The following MGMT variants were observed in gnomAD, a reference collection of about 807,000 sequenced individuals.
The protein encoded by MGMT is methylated-DNA--protein-cysteine methyltransferase.
In MGMT, 14 loss-of-function variants were observed where a neutral mutation model predicts 15.9. The ratio of observed to expected loss-of-function variants is 0.88; its 90% CI spans 0.58 to 1.37. MGMT has a LOEUF of 1.37. Ranked by LOEUF, MGMT falls within the 40% of genes most tolerant of loss-of-function variation. MGMT has a pLI of 0.00. For missense variants in MGMT, 282 were observed against 268.1 expected, an observed-to-expected ratio of 1.05 and a Z score of -0.36; for synonymous variants, 130 against 118.2, an observed-to-expected ratio of 1.10 and a Z score of -0.65.
chr10:129,515,046 G>A lies in MGMT; in HGVS notation c.-12-21195G>A, dbSNP rs1434651140. 2.6e-5 allele frequency among the ~76,000 whole-genome samples: 4 copies of A among 152,346 alleles called. No homozygotes were observed. In the East Asian group the frequency reaches 7.7e-4, roughly 29 times the overall value. ...TACCCAGCAGACAGATGGGACCTGA[G>A]AGAAAGGGTTGGGGTCTGCCCCTTC... On this transcript the variant is annotated intron_variant, in intron 1 of 4. Coordinates refer to ENST00000651593, the MANE Select transcript of MGMT (RefSeq NM_002412.5).
chr10:129,567,773 C>A (rs1846373456), intron 2 of MGMT, among the ~76,000 whole-genome samples: 1 of 152,152 alleles, frequency 6.6e-6, no homozygotes, highest in Admixed American at 6.5e-5. Context: ...ACAAAATGTT[C>A]TTGGTCAAAA....
intron 2 of MGMT, among the ~76,000 whole-genome samples, chr10:129,596,477 C>T (rs1009152088): frequency 7.9e-5 from 12 of 152,242 alleles, no homozygotes; most frequent in African/African-American, 2.9e-4. Context: ...CGGGATGTAT[C>T]ACCAAGATGA....
intron 2 of MGMT, among the ~76,000 whole-genome samples, chr10:129,619,322 T>C (rs563859): frequency 0.48 from 73,424 of 152,028 alleles, 18,222 homozygotes; most frequent in East Asian, 0.62. Flanking sequence ...CTTTGAGAAA[T>C]GCATGCATAC....
At chr10:129,765,787 C>T (rs78040867) in intron 4 of MGMT, among the ~76,000 whole-genome samples, 2,323 of 152,236 alleles carry the variant, frequency 0.015, 48 homozygotes, top group African/African-American at 0.052. Flanking sequence ...CCTCCCTTGT[C>T]GGTGGTCAGT....
intron 1 of MGMT, among the ~76,000 whole-genome samples, chr10:129,515,225 G>A (rs1304987275): frequency 2.0e-5 from 3 of 152,234 alleles, no homozygotes; most frequent in Non-Finnish European, 2.9e-5. Flanking sequence ...GTGCAGGACA[G>A]GCGGGACCCA....
chr10:129,569,931 C>T (rs1380704403), intron 2 of MGMT, among the ~76,000 whole-genome samples: 2 of 152,226 alleles, frequency 1.3e-5, no homozygotes, highest in Admixed American at 1.3e-4. Flanking sequence ...TTGATTTTAT[C>T]AGGAGAATTT....
intron 2 of MGMT, among the ~76,000 whole-genome samples, chr10:129,560,450 A>G (rs1564852245): frequency 1.3e-5 from 2 of 152,224 alleles, no homozygotes; most frequent in East Asian, 1.9e-4. Context: ...TGGATCATCT[A>G]CAGATATTGG....
chr10:129,472,597 C>T (rs556084621), intron 1 of MGMT, among the ~76,000 whole-genome samples: 50 of 152,302 alleles, frequency 3.3e-4, no homozygotes, highest in Non-Finnish European at 5.7e-4. Flanking sequence ...CCGTTTGGAC[C>T]TGCTTTACAA....
At chr10:129,615,642 G>C (rs1847016394) in intron 2 of MGMT, among the ~76,000 whole-genome samples, 1 of 152,148 alleles carries the variant, frequency 6.6e-6, no homozygotes, top group African/African-American at 2.4e-5. Flanking sequence ...GAATTTTTAA[G>C]GTTTTGGTTG....
chr10:129,638,446 G>GAAAAAAAAAAAAAAAAAAAAAA (rs1157292152), intron 2 of MGMT, among the ~76,000 whole-genome samples: 6 of 96,320 alleles, frequency 6.2e-5, no homozygotes, highest in Non-Finnish European at 1.0e-4. Flanking sequence ...AAAAAAAAAA[G>GAAAAAAAAAAAAAAAAAAAAAA]AAAAAAAAAA....
chr10:129,711,589 T>G (rs1370498855), intron 3 of MGMT, among the ~76,000 whole-genome samples: 1 of 152,242 alleles, frequency 6.6e-6, no homozygotes, highest in African/African-American at 2.4e-5. Context: ...AAGTGTTGTT[T>G]TAGTCAGGTC....
At chr10:129,512,141 G>A (rs1318401658) in intron 1 of MGMT, among the ~76,000 whole-genome samples, 4 of 152,198 alleles carry the variant, frequency 2.6e-5, no homozygotes, top group African/African-American at 4.8e-5. Context: ...GCCCTCGCAC[G>A]TGGTGGGGTA....
chr10:129,623,058 C>T (rs527687581), intron 2 of MGMT, among the ~76,000 whole-genome samples: 103 of 152,360 alleles, frequency 6.8e-4, no homozygotes, highest in African/African-American at 2.0e-3. Context: ...CCTTACCGAG[C>T]TCTCTGGTTG....
chr10:129,651,209 C>G lies in MGMT; in HGVS notation c.126-56686C>G, dbSNP rs902079755. On this transcript the variant is annotated intron_variant, in intron 2 of 4. Transcript: ENST00000651593. ...GGCCCCGACCCGGAGGCTCCTGCCC[C>G]GTAGCTCAGGTCCCGTCTTGGCCTC... 4.6e-5 allele frequency among the ~76,000 whole-genome samples: 7 copies of G among 152,316 alleles called. No homozygotes were observed. In the East Asian group the frequency reaches 7.7e-4, roughly 17 times the overall value.
chr10:129,508,869 C>T (rs1331145361), intron 1 of MGMT, among the ~76,000 whole-genome samples: 1 of 151,622 alleles, frequency 6.6e-6, no homozygotes, highest in Non-Finnish European at 1.5e-5. Flanking sequence ...TTTGGAAAAC[C>T]CCATTAAATA....
At chr10:129,701,895 A>C (rs1452051542) in intron 2 of MGMT, 1 of 152,178 alleles carries the variant, frequency 6.6e-6, no homozygotes, top group Non-Finnish European at 1.5e-5. Flanking sequence ...CAGTGTCTTG[A>C]AAGGAAGCTT....
chr10:129,540,488 C>T (rs1293758505), intron 2 of MGMT, among the ~76,000 whole-genome samples: 1 of 152,224 alleles, frequency 6.6e-6, no homozygotes, highest in East Asian at 1.9e-4. Flanking sequence ...TGAGGACTTG[C>T]TCCCCATGTT....
At chr10:129,690,350 G>GC (rs1162492076) in intron 2 of MGMT, among the ~76,000 whole-genome samples, 1 of 152,168 alleles carries the variant, frequency 6.6e-6, no homozygotes, top group African/African-American at 2.4e-5. Flanking sequence ...ACACCCGTTT[G>GC]CCCCCACCTT....
chr10:129,729,998 C>T (rs896261219), intron 3 of MGMT, among the ~76,000 whole-genome samples: 4 of 152,000 alleles, frequency 2.6e-5, no homozygotes, highest in Non-Finnish European at 5.9e-5. Flanking sequence ...GGGGTACTGC[C>T]CTAGTTTGGG....
Sources: gnomAD v4.1 joint callset for allele counts (sites outside exome capture counted in the v4.1 genomes callset) on GRCh38, gnomAD v4.1.1 for gene constraint, MANE v1.5 for transcripts, NCBI Gene and HGNC (gene_info 2026-07-23, HGNC 2026-07-21) for gene names.